The following LRRC37A2 variants were observed in gnomAD, a reference collection of about 807,000 sequenced individuals.
LRRC37A2 encodes leucine-rich repeat-containing protein 37A2.
LRRC37A2 carries 9 observed loss-of-function variants against 68.8 expected under a neutral mutation model. The observed-to-expected ratio is 0.13, with a 90% CI of 0.08 to 0.23. The LOEUF is 0.23. LRRC37A2 is among the 10% of genes least tolerant of loss of function. The pLI is 1.00. For synonymous variants in LRRC37A2, 63 were observed against 367.6 expected (o/e 0.17, Z 9.48); for missense variants, 168 against 950.4 (o/e 0.18, Z 10.82).
At chr17:46,899,628 A>G in the LRRC37A2 span, among the ~76,000 whole-genome samples, 89 of 152,260 alleles carry the variant, frequency 5.8e-4, no homozygotes, top group African/African-American at 1.9e-3. Context: ...AGGGAATGGG[A>G]GTGATTGCTA....
the LRRC37A2 span, among the ~76,000 whole-genome samples, chr17:46,788,677 G>A: frequency 6.6e-6 from 1 of 152,186 alleles, no homozygotes; most frequent in Admixed American, 6.5e-5. Context: ...TTTGAGAGGA[G>A]GGATTCTTTC....
the LRRC37A2 span, chr17:46,936,133 G>A: frequency 1.0e-6 from 1 of 985,864 alleles, no homozygotes; most frequent in East Asian, 1.1e-4. Flanking sequence ...TGGCCTGGAA[G>A]GGTGGTCTCC....
At chr17:46,713,802 C>G in the LRRC37A2 span, 2 of 1,577,952 alleles carry the variant, frequency 1.3e-6, no homozygotes, top group Non-Finnish European at 1.7e-6. Context: ...GTTTTATTTC[C>G]CTTTGCTTAG....
the LRRC37A2 span, among the ~76,000 whole-genome samples, chr17:46,784,516 G>A: frequency 1.3e-5 from 2 of 152,120 alleles, no homozygotes; most frequent in Admixed American, 1.3e-4. Context: ...TATGCCAAGG[G>A]GTGGAGGCAC....
chr17:47,038,199 T>C, the LRRC37A2 span, among the ~76,000 whole-genome samples: 1 of 152,156 alleles, frequency 6.6e-6, no homozygotes, highest in Non-Finnish European at 1.5e-5. Context: ...ACAGCTACTC[T>C]GGTGGCTAAG....
At chr17:46,599,861 C>G in the LRRC37A2 span, among the ~76,000 whole-genome samples, 3 of 80,678 alleles carry the variant, frequency 3.7e-5, no homozygotes, top group Admixed American at 1.4e-4. Flanking sequence ...GAGTGAAACT[C>G]AGTCTCAAAA....
chr17:47,031,735 A>G, the LRRC37A2 span, among the ~76,000 whole-genome samples: 1 of 140,534 alleles, frequency 7.1e-6, no homozygotes, highest in East Asian at 2.2e-4. Context: ...TATTTATCCC[A>G]CTATTAGAAT....
At chr17:46,492,190 C>T in the LRRC37A2 span, among the ~76,000 whole-genome samples, 1 of 151,464 alleles carries the variant, frequency 6.6e-6, no homozygotes, top group Non-Finnish European at 1.5e-5. Context: ...GTCTTGAACT[C>T]CTGACCTCAG....
chr17:46,568,490 G>A, the LRRC37A2 span, among the ~76,000 whole-genome samples: 1 of 120,608 alleles, frequency 8.3e-6, no homozygotes, highest in African/African-American at 3.4e-5. Flanking sequence ...TGTGGAATAA[G>A]CAGTTAAAAA....
chr17:46,768,867 C>T, the LRRC37A2 span: 3,000 of 1,574,782 alleles, frequency 1.9e-3, 41 homozygotes, highest in Admixed American at 0.026. The surrounding 1 kb of genome is among the most constrained non-coding windows in gnomAD (Gnocchi z 5.0). Flanking sequence ...GGCCTTCCCT[C>T]TCTGCCACTG....
chr17:46,973,257 A>G, the LRRC37A2 span, among the ~76,000 whole-genome samples: 1 of 151,834 alleles, frequency 6.6e-6, no homozygotes, highest in Admixed American at 6.6e-5. Context: ...CCACACAACC[A>G]GATGACAATC....
At chr17:46,741,439 A>C in the LRRC37A2 span, among the ~76,000 whole-genome samples, 1 of 152,166 alleles carries the variant, frequency 6.6e-6, no homozygotes, top group Non-Finnish European at 1.5e-5. Context: ...TCCTGCTTGC[A>C]GCACCATGAG....
At chr17:46,503,253 G>C in the LRRC37A2 span, among the ~76,000 whole-genome samples, 3 of 145,434 alleles carry the variant, frequency 2.1e-5, no homozygotes, top group African/African-American at 8.0e-5. Context: ...TTCCCAACAA[G>C]CGTTTCTCTT....
the LRRC37A2 span, among the ~76,000 whole-genome samples, chr17:46,771,746 C>T: frequency 2.0e-5 from 2 of 97,564 alleles, no homozygotes; most frequent in Admixed American, 1.0e-4. Flanking sequence ...CCCATTGAAG[C>T]GGCGCCCCCC....
At chr17:46,872,228 A>G in the LRRC37A2 span, among the ~76,000 whole-genome samples, 118 of 152,338 alleles carry the variant, frequency 7.7e-4, no homozygotes, top group African/African-American at 2.7e-3. Context: ...GCGTATTTTT[A>G]ATAAGCACCC....
the LRRC37A2 span, among the ~76,000 whole-genome samples, chr17:46,392,436 T>TCTTTCTTTCTTC: frequency 1.2e-4 from 3 of 24,646 alleles, 1 homozygote; most frequent in African/African-American, 2.2e-4. Flanking sequence ...TTTCTCTCTT[T>TCTTTCTTTCTTC]CTTTCTTTCT....
chr17:46,993,589 T>C, the LRRC37A2 span, among the ~76,000 whole-genome samples: 1 of 152,264 alleles, frequency 6.6e-6, no homozygotes, highest in Non-Finnish European at 1.5e-5. Context: ...TGGTCTCTGA[T>C]GCTGTCCACC....
the LRRC37A2 span, among the ~76,000 whole-genome samples, chr17:46,891,922 T>C: frequency 9.2e-5 from 13 of 141,948 alleles, no homozygotes; most frequent in South Asian, 2.4e-4. Flanking sequence ...TCTTTTCTTT[T>C]TTTTTTTTTT....
At chr17:46,851,306 C>G in the LRRC37A2 span, among the ~76,000 whole-genome samples, 10 of 152,154 alleles carry the variant, frequency 6.6e-5, no homozygotes, top group South Asian at 2.1e-3. The surrounding 1 kb of genome is among the most constrained non-coding windows in gnomAD (Gnocchi z 4.3). Flanking sequence ...CCCCGCCTCT[C>G]CAGGCCCGGG....
Sources: gnomAD v4.1 joint callset for allele counts (sites outside exome capture counted in the v4.1 genomes callset) on GRCh38, gnomAD v4.1.1 for gene constraint, Gnocchi (gnomAD v3.1) non-coding constraint, MANE v1.5 for transcripts, NCBI Gene and HGNC (gene_info 2026-07-23, HGNC 2026-07-21) for gene names.